EPHA3: variants seen among roughly 807,000 people sequenced by gnomAD.
The protein encoded by EPHA3 is EPH receptor A3, also known as ephrin type-A receptor 3.
Under a neutral mutation model 107.1 loss-of-function variants are expected in EPHA3, and 42 were observed. The observed-to-expected ratio is 0.39, with a 90% CI of 0.31 to 0.51. EPHA3 has a LOEUF of 0.51. EPHA3 is among the 20% of genes least tolerant of loss of function. EPHA3 has a pLI of 0.78. For missense variants in EPHA3, 1,183 were observed against 1,211.2 expected (o/e 0.98, Z 0.35); for synonymous variants, 461 against 424.8 (o/e 1.09, Z -1.05).
At chr3:89,227,118 T>C (rs773232859) in intron 3 of EPHA3, among the ~76,000 whole-genome samples, 8 of 152,088 alleles carry the variant, frequency 5.3e-5, no homozygotes, top group Non-Finnish European at 8.8e-5. Context: ...GTCAGGTATA[T>C]AATCAGTAAC....
chr3:89,430,384 A>C (rs1171775589), intron 12 of EPHA3, among the ~76,000 whole-genome samples: 2 of 152,134 alleles, frequency 1.3e-5, no homozygotes, highest in African/African-American at 4.8e-5. Flanking sequence ...TAGCCAAATA[A>C]AAATTTTAAT....
chr3:89,401,815 T>C (rs1708970363), intron 7 of EPHA3, among the ~76,000 whole-genome samples: 1 of 152,188 alleles, frequency 6.6e-6, no homozygotes, highest in African/African-American at 2.4e-5. Flanking sequence ...TTCACCATAT[T>C]GGTCAAGCTG....
chr3:89,472,762 T>A, intron 16 of EPHA3, 143 bp downstream of exon 16: 1 of 910,498 alleles, frequency 1.1e-6, no homozygotes, highest in Non-Finnish European at 1.6e-6. Flanking sequence ...CTGGAACTGC[T>A]AATCAGGGCC....
intron 3 of EPHA3, among the ~76,000 whole-genome samples, chr3:89,270,129 T>G (rs1257217143): frequency 2.0e-5 from 3 of 152,044 alleles, no homozygotes; most frequent in Non-Finnish European, 4.4e-5. Context: ...TTATTATTTA[T>G]AAGATTGAAA....
In EPHA3 at chr3:89,472,352, AG is replaced by A. The variant is rs144337537; in HGVS notation, c.2691-110del. ...ATGGCAGATAAATTCCACAAATGAA[AG>A]GAACACCATATGAAGTCTGGAAGTT... is the stretch of plus-strand genomic sequence containing the variant. On this transcript the variant is annotated intron_variant, in intron 15 of 16. Coordinates refer to ENST00000336596, the MANE Select transcript of EPHA3 (RefSeq NM_005233.6). The A allele has an allele frequency of 1.0e-3, 1,139 of 1,142,048 alleles. 9 individuals are homozygous for A. In the African/African-American group the frequency reaches 0.016, roughly 16 times the overall value. The allele number at this position is 1,142,048 out of a possible 1,614,324, so 70.7% of individuals were successfully genotyped here.
At chr3:89,337,084 A>T (rs184038136) in intron 3 of EPHA3, among the ~76,000 whole-genome samples, 1 of 152,058 alleles carries the variant, frequency 6.6e-6, no homozygotes. Flanking sequence ...AAAAAAGAAA[A>T]ACAAAAATCC....
At chr3:89,342,158 G>A (rs1283281688) in intron 5 of EPHA3, 68 bp downstream of exon 5, 12 of 1,407,214 alleles carry the variant, frequency 8.5e-6, no homozygotes, top group Admixed American at 4.9e-5. Flanking sequence ...GACTCTGGGT[G>A]GAAAACTGGG....
intron 1 of EPHA3, among the ~76,000 whole-genome samples, chr3:89,116,320 T>G (rs1388435278): frequency 1.3e-5 from 2 of 152,116 alleles, no homozygotes; most frequent in Admixed American, 1.3e-4. Context: ...AATTAACAAT[T>G]GGAATTATCT....
At chr3:89,274,053 C>T (rs546768680) in intron 3 of EPHA3, among the ~76,000 whole-genome samples, 1 of 152,054 alleles carries the variant, frequency 6.6e-6, no homozygotes, top group South Asian at 2.1e-4. Context: ...ACATGCATGT[C>T]AGGCAACTCA....
At chr3:89,165,166 C>A (rs1292616571) in intron 2 of EPHA3, among the ~76,000 whole-genome samples, 1 of 152,142 alleles carries the variant, frequency 6.6e-6, no homozygotes, top group Non-Finnish European at 1.5e-5. Context: ...CCACTGGGAT[C>A]CATGGGAAAA....
At chr3:89,208,739 T>G (rs1369188551) in intron 2 of EPHA3, among the ~76,000 whole-genome samples, 1 of 152,168 alleles carries the variant, frequency 6.6e-6, no homozygotes, top group Non-Finnish European at 1.5e-5. Flanking sequence ...GAAATATTAC[T>G]TATCTCGATT....
chr3:89,338,710 G>T (rs574365650), intron 3 of EPHA3, among the ~76,000 whole-genome samples: 3 of 152,080 alleles, frequency 2.0e-5, no homozygotes, highest in African/African-American at 7.2e-5. Context: ...CACTGTGCCC[G>T]GCTAATATTT....
At chr3:89,112,591 A>G (rs1707138029) in intron 1 of EPHA3, among the ~76,000 whole-genome samples, 1 of 152,030 alleles carries the variant, frequency 6.6e-6, no homozygotes, top group African/African-American at 2.4e-5. Flanking sequence ...TGATTTTTAA[A>G]GGCAAAATAT....
chr3:89,431,287 G>C lies in EPHA3; in HGVS notation c.2274G>C (p.Leu758Phe). The C allele has an allele frequency of 1.2e-6, 2 of 1,613,546 alleles. No homozygotes were observed. Among genetic ancestry groups the C allele is most frequent in the Non-Finnish European group, 1.7e-6 (2 of 1,179,896 alleles). ...AARNILINSN[L>F]VCKVSDFGLS... ...GGAACATCTTGATCAACAGTAACTT[G>C]GTGTGTAAGGTTTCTGATTTCGGAC... is the stretch of plus-strand genomic sequence containing the variant. The change falls in exon 13 of 17, where the codon TTG (leucine) becomes TTC (phenylalanine). Residue 758 changes from leucine (L) to phenylalanine (F), a missense_variant. Physicochemically the swap from Leu to Phe is conservative, Grantham distance 22. Coordinates refer to ENST00000336596, the MANE Select transcript of EPHA3 (RefSeq NM_005233.6).
At chr3:89,367,377 C>G (rs1708205083) in intron 5 of EPHA3, among the ~76,000 whole-genome samples, 1 of 150,526 alleles carries the variant, frequency 6.6e-6, no homozygotes, top group African/African-American at 2.4e-5. Context: ...AGCTGGCCTC[C>G]CGTGTACCCA....
At chr3:89,321,867 T>G (rs1266677789) in intron 3 of EPHA3, among the ~76,000 whole-genome samples, 2 of 152,144 alleles carry the variant, frequency 1.3e-5, no homozygotes, top group East Asian at 1.9e-4. Flanking sequence ...TTTACAAAAC[T>G]GAGCTGCTGC....
intron 2 of EPHA3, among the ~76,000 whole-genome samples, chr3:89,147,172 C>A (rs2107032306): frequency 6.6e-6 from 1 of 151,706 alleles, no homozygotes; most frequent in Non-Finnish European, 1.5e-5. Flanking sequence ...ACATCACATA[C>A]CAGGGCCTGT....
intron 1 of EPHA3, among the ~76,000 whole-genome samples, chr3:89,111,512 C>G (rs1707107872): frequency 7.5e-6 from 1 of 133,414 alleles, no homozygotes; most frequent in African/African-American, 2.6e-5. Context: ...CCTACATCCC[C>G]CCCCCACCCC....
At chr3:89,457,851 A>G (rs751330203) in intron 15 of EPHA3, among the ~76,000 whole-genome samples, 1 of 152,202 alleles carries the variant, frequency 6.6e-6, no homozygotes, top group South Asian at 2.1e-4. Context: ...TAGAGCAGGG[A>G]AAGTAGACAG....
Sources: allele counts gnomAD v4.1 joint callset (sites outside exome capture counted in the v4.1 genomes callset), GRCh38; gene constraint gnomAD v4.1.1; transcripts MANE v1.5; gene names NCBI Gene and HGNC (gene_info 2026-07-23, HGNC 2026-07-21).